The following WNT4 variants were observed in gnomAD, a reference collection of about 807,000 sequenced individuals.
The protein encoded by WNT4 is Wnt family member 4, also known as protein Wnt-4.
A neutral mutation model predicts 34.5 loss-of-function variants in WNT4; 16 were observed. The ratio of observed to expected loss-of-function variants is 0.46; its 90% CI spans 0.31 to 0.70. The LOEUF (loss-of-function observed/expected upper bound fraction) is 0.70. WNT4 is among the 30% of genes least tolerant of loss of function. The pLI is 0.04. For missense variants in WNT4, 379 were observed against 495.9 expected (o/e 0.76, Z 2.24); for synonymous variants, 200 against 211.9 (o/e 0.94, Z 0.49).
chr1:22,139,610 A>C lies in WNT4; in HGVS notation c.77+3236T>G, dbSNP rs899565361. 1.3e-5 allele frequency among the ~76,000 whole-genome samples: 2 copies of C among 151,970 alleles called. No individual in the cohort carries two copies. The highest frequency in any genetic ancestry group is 4.8e-5 in the African/African-American group (2 of 41,348). ...TGAAACCTTAGCTTATTTATTCCCTAACCCTCCCCAGCACTTCCATTTGGG... is the reference window on the plus strand; with the variant it reads ...TGAAACCTTAGCTTATTTATTCCCTCACCCTCCCCAGCACTTCCATTTGGG... On this transcript the variant is annotated intron_variant, in intron 1 of 4. Coordinates refer to ENST00000290167, the MANE Select transcript of WNT4 (RefSeq NM_030761.5). This position sits in a 1 kb window ranked among gnomAD's most constrained non-coding sequence, Gnocchi z 4.6.
At chr1:22,121,074 C>T (rs889484448) in intron 4 of WNT4, 137 bp downstream of exon 4, 134 of 1,428,324 alleles carry the variant, frequency 9.4e-5, no homozygotes, top group Non-Finnish European at 1.2e-4. Flanking sequence ...TCCTGAACCC[C>T]ACTGGCCTAC....
At chr1:22,127,111 G>A in intron 2 of WNT4, 1 of 366,124 alleles carries the variant, frequency 2.7e-6, no homozygotes, top group Non-Finnish European at 5.6e-6. Flanking sequence ...AGTGGGCAGA[G>A]CTCAGCCTCC....
intron 4 of WNT4, 50 bp from the exon 5 acceptor site, chr1:22,120,567 G>A (rs772855820): frequency 1.7e-5 from 27 of 1,551,132 alleles, no homozygotes; most frequent in Middle Eastern, 1.7e-4. Context: ...GCAAGGGAAG[G>A]CAGGGGAGGG....
chr1:22,131,919 G>A (rs1003189019), intron 1 of WNT4, among the ~76,000 whole-genome samples: 23 of 152,234 alleles, frequency 1.5e-4, no homozygotes, highest in Admixed American at 1.3e-4. Context: ...CCCTTGGAGG[G>A]AAGACAAGGG....
chr1:22,118,700 TCCTGCTGCTTC>T lies in WNT4; in HGVS notation c.*1339_*1349del. On this transcript the variant is annotated 3_prime_UTR_variant, in exon 5 of 5. Transcript: ENST00000290167. ...TCCAGCTCAGCCTGTGGTCTCTGGCTCCTGCTGCTTCCCTGCCCCTTTTCGTCCAGCCAGAA... is the reference window on the plus strand; with the variant it reads ...TCCAGCTCAGCCTGTGGTCTCTGGCTCCTGCCCCTTTTCGTCCAGCCAGAA... The T allele has an allele frequency of 6.5e-6, 1 of 152,910 alleles. No individual in the cohort carries two copies. The highest frequency in any genetic ancestry group is 1.9e-4 in the East Asian group (1 of 5,198). 9.5% of individuals were successfully genotyped at this position (152,910 alleles called of 1,614,324 possible).
chr1:22,135,528 T>A (rs1466890302), intron 1 of WNT4, among the ~76,000 whole-genome samples: 1 of 152,122 alleles, frequency 6.6e-6, no homozygotes, highest in African/African-American at 2.4e-5. Flanking sequence ...CCCCATGTCT[T>A]TTCTGAACTA....
At position 22,143,003 on chromosome 1, in the gene WNT4, C is replaced by A; in HGVS notation, c.-81G>T. On this transcript the variant is annotated 5_prime_UTR_variant, in exon 1 of 5. Transcript: ENST00000290167. ...CGTCGGGGCTGCAGGTGGGCGCCCG[C>A]GGGCGGGCCGGGGCGCGCGCGGCGG... 3 of 681,984 alleles carry A rather than the reference C, an allele frequency of 4.4e-6. No individual in the cohort carries two copies. The highest frequency in any genetic ancestry group is 5.4e-6 in the Non-Finnish European group (3 of 557,114). 42.2% of individuals were successfully genotyped at this position (681,984 alleles called of 1,614,324 possible). A position where few individuals can be genotyped will look rare whatever the true frequency, so the allele number is the denominator to read the frequency against.
chr1:22,130,709 G>A (rs926122801), intron 1 of WNT4, among the ~76,000 whole-genome samples: 6 of 152,258 alleles, frequency 3.9e-5, no homozygotes, highest in African/African-American at 1.4e-4. Context: ...CTGTCTGAGT[G>A]GAGGAACTGC....
rs1010327144 is a variant in WNT4, at chr1:22,134,680, T to C, written c.78-4829A>G. ...AGGAGGCCTAAATGAATGAAATCTGTGTGCAGGAGATGCTCGTCCCTGCTG... is the reference window on the plus strand; with the variant it reads ...AGGAGGCCTAAATGAATGAAATCTGCGTGCAGGAGATGCTCGTCCCTGCTG... On this transcript the variant is annotated intron_variant, in intron 1 of 4. Transcript: ENST00000290167. The surrounding 1 kb of genome is among the most constrained non-coding windows in gnomAD (Gnocchi z 4.1). 1.1e-4 allele frequency among the ~76,000 whole-genome samples: 17 copies of C among 152,160 alleles called. No individual in the cohort carries two copies. The highest frequency in any genetic ancestry group is 3.6e-4 in the African/African-American group (15 of 41,434).
rs548444201 is a variant in WNT4, at chr1:22,121,583, G to A, written c.314-7C>T. 3.1e-6 allele frequency: 5 copies of A among 1,611,936 alleles called. No individual in the cohort carries two copies. The highest frequency in any genetic ancestry group is 4.2e-6 in the Non-Finnish European group (5 of 1,179,966). On this transcript the variant is annotated splice_region_variant and splice_polypyrimidine_tract_variant and intron_variant, in intron 2 of 4. Transcript: ENST00000290167. ...AAGGCCGCCTCCCGAGTCCCTGTGG[G>A]AGGCAGAGGGAGGGCAGAGCTGGGT...
At position 22,121,185 on chromosome 1, in the gene WNT4, C is replaced by G. The variant is rs893490747; in HGVS notation, c.588+26G>C. Reference sequence around the variant, plus strand: ...CTGCCCATGCTATCCCTACCCCGCTCTTGGTGGGGGGTAGTGCCACACTAC... The same window carrying G: ...CTGCCCATGCTATCCCTACCCCGCTGTTGGTGGGGGGTAGTGCCACACTAC... On this transcript the variant is annotated intron_variant, in intron 4 of 4. Transcript: ENST00000290167. 4 of 1,613,284 alleles carry G rather than the reference C, an allele frequency of 2.5e-6. No homozygotes were observed. In the South Asian group the frequency reaches 3.3e-5, roughly 13 times the overall value.
At chr1:22,138,688 G>A (rs1341254453) in intron 1 of WNT4, among the ~76,000 whole-genome samples, 1 of 152,144 alleles carries the variant, frequency 6.6e-6, no homozygotes, top group African/African-American at 2.4e-5. Flanking sequence ...CTATTTAGAG[G>A]GGAGAGAGGG....
Position 22,134,109 on chromosome 1 carries a change from G to A in WNT4, c.78-4258C>T, listed in dbSNP as rs563526869. Among the ~76,000 whole-genome samples the A allele has an allele frequency of 6.6e-6, 1 of 152,234 alleles. No individual in the cohort carries two copies. Among genetic ancestry groups the A allele is most frequent in the Non-Finnish European group, 1.5e-5 (1 of 68,042 alleles). On this transcript the variant is annotated intron_variant, in intron 1 of 4. Coordinates refer to ENST00000290167, the MANE Select transcript of WNT4 (RefSeq NM_030761.5). The surrounding 1 kb of genome is among the most constrained non-coding windows in gnomAD (Gnocchi z 4.1). Reference sequence around the variant, plus strand: ...AAGCAGATCAGTGTCGTGGGTCCCGGCCCTGCGGGTGTCCAGGTGGGGGCT... The same window carrying A: ...AAGCAGATCAGTGTCGTGGGTCCCGACCCTGCGGGTGTCCAGGTGGGGGCT...
At chr1:22,135,271 A>G (rs1380840838) in intron 1 of WNT4, among the ~76,000 whole-genome samples, 1 of 152,232 alleles carries the variant, frequency 6.6e-6, no homozygotes, top group African/African-American at 2.4e-5. Flanking sequence ...GTATGTCCTT[A>G]GTGCAACAGC....
chr1:22,124,674 C>T (rs1390905481), intron 2 of WNT4, among the ~76,000 whole-genome samples: 1 of 152,166 alleles, frequency 6.6e-6, no homozygotes, highest in Non-Finnish European at 1.5e-5. Context: ...CAAGGCTTGT[C>T]GGACTCCAGG....
In WNT4 at chr1:22,140,235, T is replaced by G. The variant is rs1395893353; in HGVS notation, c.77+2611A>C. 1 of 985,340 alleles carries G rather than the reference T, an allele frequency of 1.0e-6. No homozygotes were observed. Among genetic ancestry groups the G allele is most frequent in the African/African-American group, 1.7e-5 (1 of 57,252 alleles). 61.0% of individuals were successfully genotyped at this position (985,340 alleles called of 1,614,324 possible). ...CACAGTGCCAGCCATCATGCCTGCA[T>G]GGACACCTGCCTCCCCGAAGCTTTT... On this transcript the variant is annotated intron_variant, in intron 1 of 4. Transcript: ENST00000290167. This position sits in a 1 kb window ranked among gnomAD's most constrained non-coding sequence, Gnocchi z 5.9.
intron 2 of WNT4, among the ~76,000 whole-genome samples, chr1:22,122,556 C>T (rs759887343): frequency 6.6e-6 from 1 of 152,088 alleles, no homozygotes; most frequent in African/African-American, 2.4e-5. Context: ...TATGCATGGC[C>T]GGCTGGGTGT....
rs942099154 is a variant in WNT4 at position 22,139,231 on chromosome 1, C to T, written c.77+3615G>A. Among the ~76,000 whole-genome samples, 8 of 152,186 alleles carry T rather than the reference C, an allele frequency of 5.3e-5. No homozygotes were observed. The highest frequency in any genetic ancestry group is 1.9e-4 in the East Asian group (1 of 5,184). ...CAATAGGGACGCAGCCCTGCAGCTCCCTGACAGCAGCCCTTGCTTCCGGCA... is the reference window on the plus strand; with the variant it reads ...CAATAGGGACGCAGCCCTGCAGCTCTCTGACAGCAGCCCTTGCTTCCGGCA... On this transcript the variant is annotated intron_variant, in intron 1 of 4. Coordinates refer to ENST00000290167, the MANE Select transcript of WNT4 (RefSeq NM_030761.5). The surrounding 1 kb of genome is among the most constrained non-coding windows in gnomAD (Gnocchi z 4.6).
intron 4 of WNT4, 104 bp downstream of exon 4, chr1:22,121,107 G>A: frequency 1.3e-6 from 2 of 1,557,064 alleles, no homozygotes; most frequent in Admixed American, 3.5e-5. Flanking sequence ...GTGCTGGTGA[G>A]AGCCTGCACA....
Sources: allele counts gnomAD v4.1 joint callset (sites outside exome capture counted in the v4.1 genomes callset), GRCh38; gene constraint gnomAD v4.1.1; non-coding constraint Gnocchi (gnomAD v3.1); transcripts MANE v1.5; gene names NCBI Gene and HGNC (gene_info 2026-07-23, HGNC 2026-07-21).